The following HIVEP3 variants were observed in gnomAD, a reference collection of about 807,000 sequenced individuals.
HIVEP3 encodes the protein transcription factor HIVEP3.
In HIVEP3, 49 loss-of-function variants were observed where a neutral mutation model predicts 152.8. That is an observed-to-expected ratio of 0.32 (90% CI 0.26 to 0.41). The LOEUF (loss-of-function observed/expected upper bound fraction) is 0.41. Among genes scored for constraint, HIVEP3 ranks in the 10% least tolerant of loss-of-function variants. HIVEP3 has a pLI of 1.00. For missense variants in HIVEP3, 2,790 were observed against 3,103.3 expected (o/e 0.90, Z 2.40); for synonymous variants, 1,269 against 1,289.0 (o/e 0.98, Z 0.33).
At chr1:41,606,859 A>G (rs1644829414) in intron 3 of HIVEP3, among the ~76,000 whole-genome samples, 1 of 149,670 alleles carries the variant, frequency 6.7e-6, no homozygotes, top group Non-Finnish European at 1.5e-5. Context: ...TCTCTCTGGA[A>G]GTTTTTTGTT....
chr1:41,781,113 T>C (rs1194438660), intron 1 of HIVEP3, among the ~76,000 whole-genome samples: 1 of 152,216 alleles, frequency 6.6e-6, no homozygotes, highest in Non-Finnish European at 1.5e-5. Context: ...TATAGCTGGC[T>C]GACCAGAGGA....
intron 1 of HIVEP3, among the ~76,000 whole-genome samples, chr1:41,860,762 T>C (rs1643877539): frequency 6.6e-6 from 1 of 152,188 alleles, no homozygotes; most frequent in African/African-American, 2.4e-5. Flanking sequence ...ACAGGTATAA[T>C]GCCAGCTGGA....
chr1:41,751,108 A>C (rs1274801404), intron 1 of HIVEP3, among the ~76,000 whole-genome samples: 3 of 152,100 alleles, frequency 2.0e-5, no homozygotes, highest in African/African-American at 7.2e-5. Flanking sequence ...CCATGCAATG[A>C]CCGGCCAAGT....
At position 41,513,546 on chromosome 1, in the gene HIVEP3, G is replaced by A. The variant is rs779940309; in HGVS notation, c.5675C>T (p.Ala1892Val). 2 of 1,609,734 alleles carry A rather than the reference G, an allele frequency of 1.2e-6. No individual in the cohort carries two copies. The highest frequency in any genetic ancestry group is 1.7e-6 in the Non-Finnish European group (2 of 1,178,516). ...AGGGCCCAGGATGGGTGAGGAGTCT[G>A]CCCGCAGTGCATGTGGTGGGCCAGG... ...PPPGPPHALR[A>V]DSSPILGPQP... Residue 1892 changes from alanine to valine, a missense_variant, in exon 8 of 9, where the codon GCA becomes GTA. Around this residue, in one of 9 missense-constraint regions of HIVEP3, gnomAD observed 816 missense variants for 806.5 expected, o/e 1.01. Coordinates refer to ENST00000372583, the MANE Select transcript of HIVEP3 (RefSeq NM_024503.5).
At chr1:41,514,271 C>T (rs976009328) in intron 7 of HIVEP3, among the ~76,000 whole-genome samples, 7 of 152,186 alleles carry the variant, frequency 4.6e-5, no homozygotes, top group Non-Finnish European at 5.9e-5. Flanking sequence ...ATGGTCTCAC[C>T]TCACCAGGTT....
intron 5 of HIVEP3, among the ~76,000 whole-genome samples, chr1:41,569,593 T>C (rs145777350): frequency 1.3e-5 from 2 of 152,338 alleles, no homozygotes; most frequent in Non-Finnish European, 2.9e-5. Context: ...GCTACACTTC[T>C]GGGTTTCAAA....
chr1:41,545,378 T>TCGCCACCACCACCACCACCACCACTACC (rs1643740571), intron 5 of HIVEP3, among the ~76,000 whole-genome samples: 1 of 72,796 alleles, frequency 1.4e-5, no homozygotes, highest in East Asian at 5.0e-4. Context: ...CCACCACCAC[T>TCGCCACCACCACCACCACCACCACTACC]ACCACCACCA....
chr1:41,745,749 G>A (rs960924437), intron 1 of HIVEP3, among the ~76,000 whole-genome samples: 1 of 152,214 alleles, frequency 6.6e-6, no homozygotes, highest in Non-Finnish European at 1.5e-5. Flanking sequence ...ATTAGAGCAG[G>A]GTTGTGGGGG....
rs567065575 is a variant in HIVEP3, at chr1:41,937,944, T to A, written n.120-19420A>T. On this transcript the variant is annotated intron_variant and non_coding_transcript_variant, in intron 1 of 3. Transcript: ENST00000489103. Reference sequence around the variant, plus strand: ...CCAGATCTGCACAAAGTATTCTATATGTGGACAAATCAACCATTGTTTTTA... The same window carrying A: ...CCAGATCTGCACAAAGTATTCTATAAGTGGACAAATCAACCATTGTTTTTA... Among the ~76,000 whole-genome samples the A allele has an allele frequency of 2.5e-4, 38 of 152,362 alleles. No homozygotes were observed. The South Asian group carries it at 7.7e-3, about 31-fold the overall frequency.
chr1:41,764,452 A>G (rs1647885683), intron 1 of HIVEP3, among the ~76,000 whole-genome samples: 1 of 152,220 alleles, frequency 6.6e-6, no homozygotes, highest in Non-Finnish European at 1.5e-5. Context: ...GAAGCGAAAG[A>G]TAAGTCAACC....
At chr1:41,557,514 T>C (rs1223416087) in intron 5 of HIVEP3, among the ~76,000 whole-genome samples, 3 of 151,950 alleles carry the variant, frequency 2.0e-5, no homozygotes, top group African/African-American at 7.3e-5. Context: ...CACAGAGGGA[T>C]AGAGTGTGCA....
intron 1 of HIVEP3, among the ~76,000 whole-genome samples, chr1:42,006,441 T>C (rs1054809554): frequency 1.3e-5 from 2 of 152,118 alleles, no homozygotes; most frequent in Non-Finnish European, 2.9e-5. Context: ...GTAATATCTA[T>C]ATTATTTGCC....
intron 2 of HIVEP3, among the ~76,000 whole-genome samples, chr1:41,667,641 A>G (rs1645815637): frequency 6.6e-6 from 1 of 152,242 alleles, no homozygotes; most frequent in Non-Finnish European, 1.5e-5. Flanking sequence ...TACAGCATCA[A>G]CTTCCACAGC....
chr1:41,880,883 G>C (rs978185567), intron 1 of HIVEP3, among the ~76,000 whole-genome samples: 1 of 152,224 alleles, frequency 6.6e-6, no homozygotes, highest in African/African-American at 2.4e-5. Flanking sequence ...ACATTCTCTA[G>C]TACTAAGACA....
Position 41,584,382 on chromosome 1 carries a change from T to G in HIVEP3, c.416A>C (p.His139Pro). Residue 139 changes from histidine (H) to proline (P), a missense_variant, in exon 4 of 9, where the codon CAT (histidine) becomes CCT (proline). His to Pro is a moderately conservative substitution (Grantham distance 77). Around this residue, in one of 9 missense-constraint regions of HIVEP3, gnomAD observed 209 missense variants for 237.0 expected, o/e 0.88. Coordinates refer to ENST00000372583, the MANE Select transcript of HIVEP3 (RefSeq NM_024503.5). This position sits in a 1 kb window ranked among gnomAD's most constrained non-coding sequence, Gnocchi z 5.2. ...GGAAGGAAGGAGCTGGCTCTGAGGA[T>G]GGAGCCCAGGGGCCACGAAGGAGCC... ...PSGSFVAPGL[H>P]PQSQLLPSHA... 5.0e-6 allele frequency: 8 copies of G among 1,613,726 alleles called. No individual in the cohort carries two copies. Among genetic ancestry groups the G allele is most frequent in the Non-Finnish European group, 6.8e-6 (8 of 1,179,816 alleles).
At chr1:41,988,425 T>C (rs1645336826) in intron 1 of HIVEP3, among the ~76,000 whole-genome samples, 1 of 152,160 alleles carries the variant, frequency 6.6e-6, no homozygotes, top group African/African-American at 2.4e-5. Context: ...AAAAGGCATT[T>C]CTCAAAAGAA....
chr1:41,708,830 C>T (rs1646471382), intron 1 of HIVEP3, among the ~76,000 whole-genome samples: 1 of 152,180 alleles, frequency 6.6e-6, no homozygotes, highest in Non-Finnish European at 1.5e-5. Context: ...CTAGAAGCAA[C>T]CTAGTAGCCA....
intron 1 of HIVEP3, among the ~76,000 whole-genome samples, chr1:41,708,113 T>C (rs567479378): frequency 6.6e-6 from 1 of 152,344 alleles, no homozygotes; most frequent in South Asian, 2.1e-4. Flanking sequence ...AAGGATTCGA[T>C]AGAATCCTCT....
intron 2 of HIVEP3, among the ~76,000 whole-genome samples, chr1:41,660,123 G>A (rs928812245): frequency 2.6e-5 from 4 of 152,202 alleles, no homozygotes; most frequent in African/African-American, 7.2e-5. Flanking sequence ...GTGGGTGTGT[G>A]CACGTGTAGG....
Sources: allele counts gnomAD v4.1 joint callset (sites outside exome capture counted in the v4.1 genomes callset), GRCh38; gene constraint gnomAD v4.1.1; regional missense constraint gnomAD v4.1.1; non-coding constraint Gnocchi (gnomAD v3.1); transcripts MANE v1.5; gene names NCBI Gene and HGNC (gene_info 2026-07-23, HGNC 2026-07-21).